ELP2: variants seen among roughly 807,000 people sequenced by gnomAD.
The protein encoded by ELP2 is elongator acetyltransferase complex subunit 2.
In ELP2, 90 loss-of-function variants were observed where a neutral mutation model predicts 119.2. The ratio of observed to expected loss-of-function variants is 0.75; its 90% CI spans 0.64 to 0.90. ELP2 has a LOEUF of 0.90. Ranked by LOEUF, ELP2 falls within the 40% of genes least tolerant of loss-of-function variation. ELP2 has a pLI of 0.00. For synonymous variants in ELP2, 339 were observed against 331.0 expected (o/e 1.02, Z -0.26); for missense variants, 921 against 967.8 (o/e 0.95, Z 0.64).
chr18:36,168,633 A>G (rs1249223713), intron 19 of ELP2, among the ~76,000 whole-genome samples: 1 of 152,140 alleles, frequency 6.6e-6, no homozygotes, highest in Non-Finnish European at 1.5e-5. Context: ...CCATGATCCT[A>G]TTACCTCCTA....
chr18:36,155,596 A>T (rs1323242388), intron 12 of ELP2, among the ~76,000 whole-genome samples: 1 of 151,940 alleles, frequency 6.6e-6, no homozygotes, highest in Non-Finnish European at 1.5e-5. Flanking sequence ...TAGAGACAGG[A>T]TCTTGCTATG....
At chr18:36,155,953 G>C (rs2090559950) in intron 12 of ELP2, among the ~76,000 whole-genome samples, 1 of 152,148 alleles carries the variant, frequency 6.6e-6, no homozygotes, top group South Asian at 2.1e-4. Context: ...CTAGCTGTAG[G>C]GTAGGGCTAT....
chr18:36,153,377 G>A (rs2090463840), intron 11 of ELP2, among the ~76,000 whole-genome samples: 1 of 152,000 alleles, frequency 6.6e-6, no homozygotes. Context: ...ACACGATTCC[G>A]TGAGTCAGGG....
chr18:36,145,467 A>G (rs2090167342), intron 9 of ELP2: 3 of 293,554 alleles, frequency 1.0e-5, no homozygotes, highest in South Asian at 1.0e-4. Context: ...ATAGAGTGAC[A>G]GTTCTGTGCA....
intron 11 of ELP2, among the ~76,000 whole-genome samples, chr18:36,150,805 AG>A (rs1204824249): frequency 1.3e-5 from 2 of 152,216 alleles, no homozygotes; most frequent in Non-Finnish European, 2.9e-5. Context: ...CACAATGTTC[AG>A]CCCCATGATA....
At position 36,166,338 on chromosome 18, in the gene ELP2, T is replaced by TTG. The variant is rs1568022555; in HGVS notation, c.1955-762_1955-761insGT. Among the ~76,000 whole-genome samples, 517 of 126,308 alleles carry TTG rather than the reference T, an allele frequency of 4.1e-3. 10 individuals carry two copies. Among genetic ancestry groups the TTG allele is most frequent in the African/African-American group, 0.014 (469 of 32,408 alleles). The allele number at this position is 126,308 out of a possible 152,430, so 82.9% of individuals were successfully genotyped here. On this transcript the variant is annotated intron_variant, in intron 18 of 21. Transcript: ENST00000358232. ...TTTAGGGTTTTTTTTTTTTTTTTTT[T>TTG]TTTTTTTTTCAGACGGAGTTTCCCT...
chr18:36,139,564 A>C (rs1388639319), intron 5 of ELP2: 1 of 1,535,424 alleles, frequency 6.5e-7, no homozygotes, highest in Non-Finnish European at 8.7e-7. Flanking sequence ...AGCTGCACAC[A>C]TTCTGGCATC....
chr18:36,169,589 T>C (rs1357613666), intron 19 of ELP2, among the ~76,000 whole-genome samples: 1 of 152,140 alleles, frequency 6.6e-6, no homozygotes. Context: ...GGTTTCACTA[T>C]GTTGGCCAGG....
At chr18:36,135,793 G>T (rs968217736) in intron 2 of ELP2, among the ~76,000 whole-genome samples, 3 of 152,112 alleles carry the variant, frequency 2.0e-5, no homozygotes, top group African/African-American at 7.2e-5. Context: ...CAGAACAAGT[G>T]CTGGGTACTG....
rs1598857551 is a variant in ELP2, at chr18:36,177,460, G to A, written c.*2819G>A. 1 of 152,308 alleles carries A rather than the reference G, an allele frequency of 6.6e-6. No homozygotes were observed. The highest frequency in any genetic ancestry group is 2.1e-4 in the South Asian group (1 of 4,824). The allele number at this position is 152,308 out of a possible 1,614,324, so 9.4% of individuals were successfully genotyped here. On this transcript the variant is annotated 3_prime_UTR_variant, in exon 22 of 22. Transcript: ENST00000358232. ...TGTGAAGTATCTAGAGCAGTCAAAT[G>A]CATAGAAACAAGTAGAATGGTAGTT...
At chr18:36,130,181 C>A in intron 1 of ELP2, 110 bp downstream of exon 1, 3 of 1,437,792 alleles carry the variant, frequency 2.1e-6, no homozygotes, top group South Asian at 1.2e-5. Flanking sequence ...CGAGTCGGGT[C>A]GGCTCAGGGG....
Position 36,166,319 on chromosome 18 carries a change from G to GTTTTTTTTTTTTTTTTT in ELP2, c.1955-770_1955-754dup, listed in dbSNP as rs60477950. 8.4e-5 allele frequency among the ~76,000 whole-genome samples: 6 copies of GTTTTTTTTTTTTTTTTT among 71,692 alleles called. 1 individual carries two copies. Among genetic ancestry groups the GTTTTTTTTTTTTTTTTT allele is most frequent in the African/African-American group, 3.3e-4 (6 of 17,968 alleles). The allele number at this position is 71,692 out of a possible 152,430, so 47.0% of individuals were successfully genotyped here. On this transcript the variant is annotated intron_variant, in intron 18 of 21. Transcript: ENST00000358232. ...AGTTATGTGGTTTTTGTTTTTTAGG[G>GTTTTTTTTTTTTTTTTT]TTTTTTTTTTTTTTTTTTTTTTTTT...
intron 13 of ELP2, among the ~76,000 whole-genome samples, chr18:36,157,706 A>G (rs1004311796): frequency 6.6e-6 from 1 of 152,232 alleles, no homozygotes; most frequent in Non-Finnish European, 1.5e-5. Context: ...ATTTCCTGGA[A>G]TGTATACTCA....
chr18:36,150,765 A>T lies in ELP2; in HGVS notation c.1126-4085A>T, dbSNP rs140188119. ...ATTTACATGCTTTCTGTTTTACAGT[A>T]CCAGGTAGGGGAAACATTCCCCAAT... On this transcript the variant is annotated intron_variant, in intron 11 of 21. Coordinates refer to ENST00000358232, the MANE Select transcript of ELP2 (RefSeq NM_018255.4). Among the ~76,000 whole-genome samples the T allele has an allele frequency of 4.3e-3, 652 of 152,336 alleles. 1 individual carries two copies. The highest frequency in any genetic ancestry group is 0.015 in the African/African-American group (615 of 41,580).
intron 17 of ELP2, among the ~76,000 whole-genome samples, chr18:36,161,914 A>G (rs1163492867): frequency 6.6e-6 from 1 of 152,150 alleles, no homozygotes; most frequent in Non-Finnish European, 1.5e-5. Context: ...AGTAGTTCAA[A>G]TGTCTGGGCT....
At chr18:36,130,487 G>C (rs142850495) in intron 1 of ELP2, among the ~76,000 whole-genome samples, 97 of 152,316 alleles carry the variant, frequency 6.4e-4, no homozygotes, top group African/African-American at 2.3e-3. Context: ...TTTGGTTAAT[G>C]AACTTTTGTT....
chr18:36,146,341 A>G lies in ELP2; in HGVS notation c.1085A>G (p.His362Arg). Residue 362 changes from histidine to arginine, a missense_variant, in exon 11 of 22, where the codon CAC (histidine) becomes CGC (arginine). His to Arg is a conservative substitution (Grantham distance 29). Transcript: ENST00000358232. ...DGSMIIAHAF[H>R]GALHLWKQNT... ...TCCATGATCATTGCTCATGCTTTCC[A>G]CGGAGCGTTGCACCTTTGGAAACAG... is the stretch of plus-strand genomic sequence containing the variant. 1 of 1,614,154 alleles carries G rather than the reference A, an allele frequency of 6.2e-7. No homozygotes were observed. The highest frequency in any genetic ancestry group is 1.3e-5 in the African/African-American group (1 of 75,076).
At chr18:36,144,386 G>A (rs1357845368) in intron 8 of ELP2, among the ~76,000 whole-genome samples, 1 of 152,130 alleles carries the variant, frequency 6.6e-6, no homozygotes, top group Non-Finnish European at 1.5e-5. Flanking sequence ...AAGAGGTTTA[G>A]TTGACTCACA....
At chr18:36,150,513 GA>G (rs1265245170) in intron 11 of ELP2, among the ~76,000 whole-genome samples, 1 of 152,176 alleles carries the variant, frequency 6.6e-6, no homozygotes, top group East Asian at 1.9e-4. Context: ...TTCATAGCAA[GA>G]CAGTAAATGC....
Sources: gnomAD v4.1 joint callset for allele counts (sites outside exome capture counted in the v4.1 genomes callset) on GRCh38, gnomAD v4.1.1 for gene constraint, MANE v1.5 for transcripts, NCBI Gene and HGNC (gene_info 2026-07-23, HGNC 2026-07-21) for gene names.